OR3A2: variants seen among roughly 807,000 people sequenced by gnomAD.
The protein encoded by OR3A2 is olfactory receptor family 3 subfamily A member 2, also known as olfactory receptor 3A2.
For synonymous variants in OR3A2, 126 were observed against 159.3 expected, an observed-to-expected ratio of 0.79 and a Z score of 1.57; for missense variants, 318 against 392.8, an observed-to-expected ratio of 0.81 and a Z score of 1.61.
intron 1 of OR3A2, among the ~76,000 whole-genome samples, chr17:3,281,531 G>C (rs1019280149): frequency 2.0e-5 from 3 of 152,134 alleles, no homozygotes; most frequent in Non-Finnish European, 4.4e-5. Context: ...ACCGCGCCCG[G>C]CAGCATCAGC....
At chr17:3,360,126 C>G (rs1449953134) in intron 2 of OR3A2, among the ~76,000 whole-genome samples, 2 of 151,770 alleles carry the variant, frequency 1.3e-5, no homozygotes, top group South Asian at 2.1e-4. Context: ...ACTGGTGTGA[C>G]ATGATATCTC....
chr17:3,311,301 C>T lies in OR3A2; in HGVS notation c.-85+24732G>A. The T allele has an allele frequency of 1.9e-6, 1 of 535,102 alleles. No individual in the cohort carries two copies. The highest frequency in any genetic ancestry group is 3.8e-6 in the Non-Finnish European group (1 of 260,300). The allele number at this position is 535,102 out of a possible 1,614,324, so 33.1% of individuals were successfully genotyped here. On this transcript the variant is annotated intron_variant, in intron 3 of 4. Transcript: ENST00000573491. The surrounding 1 kb of genome is among the most constrained non-coding windows in gnomAD (Gnocchi z 4.6). ...ATGCTGCCTGCAGTTCACAGCTCTT[C>T]TTTCCCCACCTCCTGGCTGGGGTGG...
exon 2 of OR3A2, chr17:3,278,117 T>C (rs2048752233): frequency 6.2e-7 from 1 of 1,614,252 alleles, no homozygotes; most frequent in Non-Finnish European, 8.5e-7. Flanking sequence ...AAGCCTCCTC[T>C]GAACCCAGTC....
chr17:3,309,194 C>T (rs2049020953), intron 3 of OR3A2, among the ~76,000 whole-genome samples: 1 of 152,172 alleles, frequency 6.6e-6, no homozygotes, highest in Non-Finnish European at 1.5e-5. Context: ...GTGTGAGTCA[C>T]CACGCCCGGC....
intron 2 of OR3A2, among the ~76,000 whole-genome samples, chr17:3,341,497 G>C (rs982329021): frequency 1.3e-5 from 2 of 152,120 alleles, no homozygotes; most frequent in South Asian, 4.1e-4. Flanking sequence ...TGTCTGTAAA[G>C]GATTTTATTT....
chr17:3,345,511 A>T (rs1317311897), intron 2 of OR3A2, among the ~76,000 whole-genome samples: 1 of 152,124 alleles, frequency 6.6e-6, no homozygotes, highest in Non-Finnish European at 1.5e-5. Context: ...AAATTATAAT[A>T]AGCAGCCTTA....
At chr17:3,278,106 G>A (rs369802465) in exon 2 of OR3A2, 2 of 1,614,216 alleles carry the variant, frequency 1.2e-6, no homozygotes, top group Non-Finnish European at 1.7e-6. Context: ...ATCCTTGTCT[G>A]AAGCCTCCTC....
chr17:3,291,937 G>C, intron 3 of OR3A2: 1 of 1,614,210 alleles, frequency 6.2e-7, no homozygotes, highest in Non-Finnish European at 8.5e-7. Context: ...ATGACAATGA[G>C]AGCCATGGGG....
chr17:3,324,836 T>C (rs2049157192), intron 3 of OR3A2, among the ~76,000 whole-genome samples: 1 of 152,132 alleles, frequency 6.6e-6, no homozygotes, highest in African/African-American at 2.4e-5. Context: ...GTCTGCCCGT[T>C]CTCAGATCTC....
At chr17:3,382,634 G>A (rs764528722) in intron 2 of OR3A2, among the ~76,000 whole-genome samples, 14 of 152,192 alleles carry the variant, frequency 9.2e-5, no homozygotes, top group Admixed American at 2.6e-4. Flanking sequence ...CACTAGGGAG[G>A]AAGAGGCCAC....
chr17:3,302,353 G>T (rs760820513), intron 3 of OR3A2, among the ~76,000 whole-genome samples: 3 of 152,280 alleles, frequency 2.0e-5, no homozygotes, highest in African/African-American at 4.8e-5. Flanking sequence ...ATACTACAAG[G>T]CTACAGTAAC....
chr17:3,355,530 A>G (rs1180338568), intron 2 of OR3A2, among the ~76,000 whole-genome samples: 1 of 150,634 alleles, frequency 6.6e-6, no homozygotes, highest in Admixed American at 6.6e-5. Context: ...ATTTGCAATC[A>G]TTATATCCTG....
chr17:3,321,512 G>C (rs1364913427), intron 3 of OR3A2, among the ~76,000 whole-genome samples: 1 of 151,870 alleles, frequency 6.6e-6, no homozygotes, highest in Non-Finnish European at 1.5e-5. Flanking sequence ...TATTGGCTGT[G>C]GGTTTGTCAT....
chr17:3,291,858 G>T, intron 3 of OR3A2: 3 of 1,614,156 alleles, frequency 1.9e-6, no homozygotes, highest in Non-Finnish European at 2.5e-6. Flanking sequence ...GCCACATGTG[G>T]AGAAGGCTTT....
intron 3 of OR3A2, among the ~76,000 whole-genome samples, chr17:3,325,358 TACCATCAC>T (rs2049163005): frequency 6.6e-6 from 1 of 151,720 alleles, no homozygotes; most frequent in African/African-American, 2.4e-5. Flanking sequence ...TACAGGTGCA[TACCATCAC>T]ACCTGGCTAA....
chr17:3,285,079 T>C (rs2048800155), upstream of OR3A2, among the ~76,000 whole-genome samples: 1 of 152,078 alleles, frequency 6.6e-6, no homozygotes. Context: ...AGATGAGCCC[T>C]ATGATGCTAG....
At chr17:3,328,847 T>C (rs2049201765) in intron 3 of OR3A2, among the ~76,000 whole-genome samples, 1 of 149,210 alleles carries the variant, frequency 6.7e-6, no homozygotes, top group South Asian at 2.2e-4. Flanking sequence ...TCTGTTTATA[T>C]GCTGGATTAC....
chr17:3,316,354 C>G (rs1474402799), intron 3 of OR3A2, among the ~76,000 whole-genome samples: 1 of 152,158 alleles, frequency 6.6e-6, no homozygotes, highest in Non-Finnish European at 1.5e-5. Flanking sequence ...ATCCATGTGT[C>G]AAGCTCAGCA....
intron 2 of OR3A2, among the ~76,000 whole-genome samples, chr17:3,349,840 C>A (rs949108833): frequency 2.6e-5 from 4 of 152,088 alleles, no homozygotes; most frequent in Non-Finnish European, 5.9e-5. Flanking sequence ...ATCTCTCAGA[C>A]CACAGTGCAA....
Sources: allele counts gnomAD v4.1 joint callset (sites outside exome capture counted in the v4.1 genomes callset), GRCh38; gene constraint gnomAD v4.1.1; non-coding constraint Gnocchi (gnomAD v3.1); transcripts MANE v1.5; gene names NCBI Gene and HGNC (gene_info 2026-07-23, HGNC 2026-07-21).